ZNF221: variants seen among roughly 807,000 people sequenced by gnomAD.
ZNF221 encodes zinc finger protein 221.
In ZNF221, 10 loss-of-function variants were observed where a neutral mutation model predicts 12.6. The ratio of observed to expected loss-of-function variants is 0.79; its 90% confidence interval spans 0.49 to 1.34. The LOEUF is 1.34. Ranked by LOEUF, ZNF221 falls within the 40% of genes most tolerant of loss-of-function variation. The pLI is 0.00. For missense variants in ZNF221, 661 were observed against 721.4 expected (o/e 0.92, Z 0.96); for synonymous variants, 232 against 244.0 (o/e 0.95, Z 0.46).
downstream of ZNF221, among the ~76,000 whole-genome samples, chr19:43,972,052 C>G (rs1271944709): frequency 6.6e-6 from 1 of 152,136 alleles, no homozygotes; most frequent in Non-Finnish European, 1.5e-5. Flanking sequence ...ATAACAGTCT[C>G]TCAGACCATA....
chr19:43,980,446 C>T, the ZNF221 span, among the ~76,000 whole-genome samples: 8 of 152,282 alleles, frequency 5.3e-5, no homozygotes, highest in South Asian at 1.7e-3. Flanking sequence ...GCCATTAACC[C>T]GTGTGACTAT....
intron 1 of ZNF221, among the ~76,000 whole-genome samples, chr19:43,953,833 G>A (rs1344294934): frequency 2.6e-5 from 4 of 152,132 alleles, no homozygotes; most frequent in Non-Finnish European, 1.5e-5. Context: ...TGTAATCCCA[G>A]CACTTTTGGG....
In ZNF221 at chr19:43,965,969, T is replaced by C. The variant is rs111872872; in HGVS notation, c.467T>C (p.Ile156Thr). ...FFKEGDVPCQ[I>T]EARLSISHVQ... ...AAAGAAGGTGATGTCCCCTGCCAGA[T>C]TGAGGCAAGACTATCTATAAGTCAC... Residue 156 changes from isoleucine to threonine, a missense_variant, in exon 5 of 5, where the codon ATT becomes ACT. Coordinates refer to ENST00000587682, the MANE Select transcript of ZNF221 (RefSeq NM_001297588.2). The C allele has an allele frequency of 2.0e-5, 33 of 1,614,096 alleles. 1 individual carries two copies. Among genetic ancestry groups the C allele is most frequent in the South Asian group, 1.3e-4 (12 of 91,092 alleles).
rs1448879606 is a variant in ZNF221 at position 43,965,317 on chromosome 19, G to GTAA, written c.293_294insTAA (p.Gly98_Asn99insLys). 2 of 1,612,672 alleles carry GTAA rather than the reference G, an allele frequency of 1.2e-6. No individual in the cohort carries two copies. The highest frequency in any genetic ancestry group is 2.2e-5 in the South Asian group (2 of 90,986). On this transcript the variant is annotated inframe_insertion, in exon 4 of 5. Transcript: ENST00000587682. ...ATGAAGACAACAAGCCAAAGAGAAG[G>GTAA]GAATTCAGGTAAGAACCAAGTAACT... is the stretch of plus-strand genomic sequence containing the variant.
Position 43,967,243 on chromosome 19 carries a change from CAG to C in ZNF221, c.1745_1746del (p.Arg582ThrfsTer52), listed in dbSNP as rs1974991354. 1.2e-6 allele frequency: 2 copies of C among 1,614,098 alleles called. No individual in the cohort carries two copies. The highest frequency in any genetic ancestry group is 8.5e-7 in the Non-Finnish European group (1 of 1,180,016). On this transcript the variant is annotated frameshift_variant, in exon 5 of 5. Transcript: ENST00000587682. LOFTEE classifies it low-confidence loss of function (END_TRUNC). Reference sequence around the variant, plus strand: ...CTGGGCTTCATGTCTTTTGAAACATCAGAGACTCCACAGTGGAGAAAAGCCAT... The same window carrying C: ...CTGGGCTTCATGTCTTTTGAAACATCAGACTCCACAGTGGAGAAAAGCCAT... ...FGWASCLLKH[Q>X]RLHSGEKPLK...
downstream of ZNF221, among the ~76,000 whole-genome samples, chr19:43,969,831 G>A (rs141081836): frequency 0.011 from 1,663 of 152,308 alleles, 39 homozygotes; most frequent in African/African-American, 0.039. Flanking sequence ...AGCTGTTCCA[G>A]CCTGCTGGCT....
chr19:43,979,676 T>C, the ZNF221 span, among the ~76,000 whole-genome samples: 1 of 152,188 alleles, frequency 6.6e-6, no homozygotes, highest in African/African-American at 2.4e-5. Flanking sequence ...GCTTAGCCAG[T>C]CCCACAGTGG....
rs772141133 is a variant in ZNF221 at position 43,966,414 on chromosome 19, T to C, written c.912T>C (p.His304=). ...DSQLQEHQRI[H]TGEKPFKCDI... The stretch of plus-strand genomic sequence containing the variant: ...AGCTTCAAGAACATCAGAGAATCCA[T>C]ACTGGGGAGAAGCCATTCAAATGTG... The change falls in exon 5 of 5, where the codon CAT becomes CAC. Residue 304 remains histidine, a synonymous_variant. Transcript: ENST00000587682. 9 of 1,613,658 alleles carry C rather than the reference T, an allele frequency of 5.6e-6. No homozygotes were observed. In the African/African-American group the frequency reaches 6.7e-5, roughly 12 times the overall value.
At chr19:43,957,733 A>G (rs1325493114) in intron 1 of ZNF221, among the ~76,000 whole-genome samples, 1 of 152,144 alleles carries the variant, frequency 6.6e-6, no homozygotes, top group Non-Finnish European at 1.5e-5. Context: ...CATCTTTAAT[A>G]TCTTTAAAGG....
the ZNF221 span, among the ~76,000 whole-genome samples, chr19:43,981,571 G>T: frequency 1.3e-5 from 2 of 152,042 alleles, no homozygotes; most frequent in African/African-American, 4.8e-5. Context: ...CCACTCAATG[G>T]AATTTATGCA....
the ZNF221 span, among the ~76,000 whole-genome samples, chr19:43,979,836 T>G: frequency 5.3e-4 from 81 of 152,370 alleles, 1 homozygote; most frequent in African/African-American, 1.9e-3. Context: ...ATTCTGTGTT[T>G]TCTCAAATTG....
intron 1 of ZNF221, among the ~76,000 whole-genome samples, chr19:43,954,414 T>A (rs1424398261): frequency 1.3e-5 from 2 of 152,182 alleles, no homozygotes; most frequent in Admixed American, 1.3e-4. Context: ...ACAGACTTTT[T>A]CACCTTTGGA....
At position 43,953,329 on chromosome 19, in the gene ZNF221, T is replaced by G. The variant is rs142336043; in HGVS notation, c.-3+1929T>G. 1.5e-3 allele frequency among the ~76,000 whole-genome samples: 232 copies of G among 151,634 alleles called. 1 individual carries two copies. Among genetic ancestry groups the G allele is most frequent in the Middle Eastern group, 6.8e-3 (2 of 294 alleles). Reference sequence around the variant, plus strand: ...CAAAAGCTACAGGTGAAGAGATGCATAGGGCAAGGCATGTGGGAAGGGATG... The same window carrying G: ...CAAAAGCTACAGGTGAAGAGATGCAGAGGGCAAGGCATGTGGGAAGGGATG... On this transcript the variant is annotated intron_variant, in intron 1 of 4. Coordinates refer to ENST00000587682, the MANE Select transcript of ZNF221 (RefSeq NM_001297588.2).
chr19:43,976,319 C>T, the ZNF221 span, among the ~76,000 whole-genome samples: 5 of 152,170 alleles, frequency 3.3e-5, no homozygotes, highest in South Asian at 1.0e-3. Context: ...AGGTGGATCA[C>T]TTGAGGCCAT....
chr19:43,968,845 A>G (rs531555887), downstream of ZNF221, among the ~76,000 whole-genome samples: 7 of 152,294 alleles, frequency 4.6e-5, no homozygotes, highest in East Asian at 1.2e-3. Context: ...GCAGGAAACC[A>G]TGCTACTCAA....
At chr19:43,976,657 A>G in the ZNF221 span, among the ~76,000 whole-genome samples, 2 of 152,242 alleles carry the variant, frequency 1.3e-5, no homozygotes, top group Admixed American at 6.5e-5. Context: ...CTTCTCAGGT[A>G]GAAGCTTTGC....
At chr19:43,971,657 A>G (rs371661775), downstream of ZNF221, among the ~76,000 whole-genome samples, 1 of 115,174 alleles carries the variant, frequency 8.7e-6, no homozygotes, top group East Asian at 2.7e-4. Flanking sequence ...AAAAAAAAAA[A>G]AAAGACAAAG....
the ZNF221 span, among the ~76,000 whole-genome samples, chr19:43,975,361 C>T: frequency 5.5e-4 from 83 of 152,202 alleles, no homozygotes; most frequent in South Asian, 0.016. Context: ...GAATACTATG[C>T]AAACATAAAA....
At chr19:43,965,374 T>C (rs768630369) in intron 4 of ZNF221, 49 bp downstream of exon 4, 66 of 1,516,224 alleles carry the variant, frequency 4.4e-5, no homozygotes, top group Non-Finnish European at 5.6e-5. Flanking sequence ...TTCCATCTGT[T>C]TTACTTCTGT....
Sources: gnomAD v4.1 joint callset for allele counts (sites outside exome capture counted in the v4.1 genomes callset) on GRCh38, gnomAD v4.1.1 for gene constraint, MANE v1.5 for transcripts, NCBI Gene and HGNC (gene_info 2026-07-23, HGNC 2026-07-21) for gene names.